The following FRMD5 variants were observed in gnomAD, a reference collection of about 807,000 sequenced individuals.
FRMD5 encodes the protein FERM domain containing 5.
In FRMD5, 20 loss-of-function variants were observed where a neutral mutation model predicts 69.0. That is an observed-to-expected ratio of 0.29 (90% CI 0.20 to 0.42). FRMD5 has a LOEUF of 0.42. FRMD5 is among the 10% of genes least tolerant of loss of function. FRMD5 has a pLI of 1.00. For synonymous variants in FRMD5, 271 were observed against 260.1 expected, an observed-to-expected ratio of 1.04 and a Z score of -0.40; for missense variants, 595 against 708.6, an observed-to-expected ratio of 0.84 and a Z score of 1.82.
At position 44,012,519 on chromosome 15, in the gene FRMD5, A is replaced by G. The variant is rs1342524403; in HGVS notation, c.103-88210T>C. Among the ~76,000 whole-genome samples, 5 of 152,308 alleles carry G rather than the reference A, an allele frequency of 3.3e-5. No homozygotes were observed. The East Asian group carries it at 7.7e-4, about 24-fold the overall frequency. On this transcript the variant is annotated intron_variant, in intron 1 of 13. Coordinates refer to ENST00000417257, the MANE Select transcript of FRMD5 (RefSeq NM_032892.5). The stretch of plus-strand genomic sequence containing the variant: ...TGTTCTATTCATAGATGAAAGAAAA[A>G]CATAACAAATTTTGGTATGCCTCTT...
chr15:43,951,985 TGTGTGTGTGTGTGTC>T (rs1566857283), intron 1 of FRMD5, among the ~76,000 whole-genome samples: 97 of 114,920 alleles, frequency 8.4e-4, no homozygotes, highest in African/African-American at 4.4e-3. Context: ...GTGTGTTGTG[TGTGTGTGTGTGTGTC>T]TGTGTGTGTG....
chr15:43,876,160 G>C (rs1316801323), intron 13 of FRMD5: 2 of 1,592,722 alleles, frequency 1.3e-6, no homozygotes, highest in African/African-American at 2.7e-5. Context: ...TTGGGACCTT[G>C]AGCCTTCTTG....
At chr15:43,969,599 A>G (rs1427736098) in intron 1 of FRMD5, among the ~76,000 whole-genome samples, 1 of 152,212 alleles carries the variant, frequency 6.6e-6, no homozygotes, top group African/African-American at 2.4e-5. Flanking sequence ...AAATATTGCA[A>G]TCTTTTGATT....
chr15:43,988,673 A>T (rs1276490605), intron 1 of FRMD5, among the ~76,000 whole-genome samples: 1 of 152,212 alleles, frequency 6.6e-6, no homozygotes, highest in Non-Finnish European at 1.5e-5. Flanking sequence ...GATTAAAAAA[A>T]GTTGTATTAC....
At chr15:43,880,384 G>A (rs1398613877) in intron 13 of FRMD5, among the ~76,000 whole-genome samples, 1 of 152,142 alleles carries the variant, frequency 6.6e-6, no homozygotes, top group Non-Finnish European at 1.5e-5. Context: ...CCTGGTTGGG[G>A]TGGGCAGTTA....
intron 1 of FRMD5, among the ~76,000 whole-genome samples, chr15:44,032,045 C>G (rs1202341602): frequency 1.3e-5 from 2 of 152,120 alleles, no homozygotes; most frequent in Non-Finnish European, 2.9e-5. Context: ...AGGAATAAGG[C>G]TGCACATCTA....
intron 1 of FRMD5, among the ~76,000 whole-genome samples, chr15:44,073,698 T>C (rs751084090): frequency 6.2e-4 from 95 of 152,120 alleles, no homozygotes; most frequent in Admixed American, 1.3e-3. Flanking sequence ...GATCTCAAGT[T>C]AATAACATGC....
In FRMD5 at chr15:44,111,374, G is replaced by T. The variant is rs2076793226; in HGVS notation, c.102+83579C>A. Among the ~76,000 whole-genome samples, 9 of 152,278 alleles carry T rather than the reference G, an allele frequency of 5.9e-5. No individual in the cohort carries two copies. In the South Asian group the frequency reaches 1.9e-3, roughly 32 times the overall value. The stretch of plus-strand genomic sequence containing the variant: ...TAATTAAAAAACTTCCTGCCAGCAC[G>T]CATTTTCAGCAATTGTCAAAAGTAT... On this transcript the variant is annotated intron_variant, in intron 1 of 13. Coordinates refer to ENST00000417257, the MANE Select transcript of FRMD5 (RefSeq NM_032892.5).
chr15:43,913,083 G>T (rs954719064), intron 4 of FRMD5, among the ~76,000 whole-genome samples: 3 of 151,028 alleles, frequency 2.0e-5, no homozygotes, highest in Non-Finnish European at 4.4e-5. Context: ...TTTCTGATTT[G>T]CTCCCCTTCT....
At chr15:44,022,412 A>C (rs1336261049) in intron 1 of FRMD5, among the ~76,000 whole-genome samples, 1 of 151,542 alleles carries the variant, frequency 6.6e-6, no homozygotes, top group Non-Finnish European at 1.5e-5. Context: ...TAAAAAAAAA[A>C]AACATACGAA....
At chr15:43,939,356 C>T (rs558335289) in intron 1 of FRMD5, among the ~76,000 whole-genome samples, 1 of 152,186 alleles carries the variant, frequency 6.6e-6, no homozygotes, top group Admixed American at 6.5e-5. Flanking sequence ...CTTGTTCTTC[C>T]TTTCCACACT....
chr15:44,111,688 A>G (rs754840809), intron 1 of FRMD5, among the ~76,000 whole-genome samples: 151 of 152,320 alleles, frequency 9.9e-4, no homozygotes, highest in Non-Finnish European at 1.9e-3. Flanking sequence ...AATCTCTGCA[A>G]AAGAAATAGA....
intron 6 of FRMD5, among the ~76,000 whole-genome samples, chr15:43,905,197 C>T (rs1027694063): frequency 1.4e-5 from 2 of 146,792 alleles, no homozygotes; most frequent in African/African-American, 5.1e-5. Context: ...AGTGCAATGG[C>T]GCAACCTCAG....
intron 1 of FRMD5, among the ~76,000 whole-genome samples, chr15:44,108,706 A>C (rs2076754784): frequency 6.6e-6 from 1 of 152,058 alleles, no homozygotes; most frequent in South Asian, 2.1e-4. Context: ...TCACGCCTGT[A>C]ATCTCAACAC....
chr15:44,065,801 T>C (rs1292315756), intron 1 of FRMD5, among the ~76,000 whole-genome samples: 1 of 152,220 alleles, frequency 6.6e-6, no homozygotes, highest in African/African-American at 2.4e-5. Context: ...CTTTAGAGTT[T>C]ACAAAGTTCC....
intron 1 of FRMD5, among the ~76,000 whole-genome samples, chr15:44,077,838 G>C (rs1595698737): frequency 6.6e-6 from 1 of 152,092 alleles, no homozygotes; most frequent in South Asian, 2.1e-4. Flanking sequence ...AACTGTGCTA[G>C]ATTACATGAA....
chr15:43,951,175 C>A (rs2090020683), intron 1 of FRMD5, among the ~76,000 whole-genome samples: 1 of 152,074 alleles, frequency 6.6e-6, no homozygotes, highest in South Asian at 2.1e-4. Context: ...AATCCCAGCA[C>A]TTTGGGAGGC....
intron 13 of FRMD5, chr15:43,876,160 G>A: frequency 6.3e-7 from 1 of 1,592,840 alleles, no homozygotes; most frequent in Non-Finnish European, 8.6e-7. Context: ...TTGGGACCTT[G>A]AGCCTTCTTG....
intron 6 of FRMD5, among the ~76,000 whole-genome samples, chr15:43,903,003 C>G (rs2089083641): frequency 2.0e-5 from 3 of 152,292 alleles, no homozygotes; most frequent in African/African-American, 7.2e-5. Context: ...AGCTGTCTGT[C>G]CATAGGGTGA....
Sources: allele counts gnomAD v4.1 joint callset (sites outside exome capture counted in the v4.1 genomes callset), GRCh38; gene constraint gnomAD v4.1.1; transcripts MANE v1.5; gene names NCBI Gene and HGNC (gene_info 2026-07-23, HGNC 2026-07-21).